MMP24: variants seen among roughly 807,000 people sequenced by gnomAD.
The protein encoded by MMP24 is matrix metallopeptidase 24, also known as matrix metalloproteinase-24.
A neutral mutation model predicts 62.8 loss-of-function variants in MMP24; 25 were observed. That is an observed-to-expected ratio of 0.40 (90% confidence interval 0.29 to 0.56). MMP24 has a LOEUF of 0.56. MMP24 is among the 20% of genes least tolerant of loss of function. The probability of loss-of-function intolerance (pLI) is 0.50; values close to 1 mark genes in which losing one functional copy is unlikely to be tolerated. For missense variants in MMP24, 634 were observed against 853.6 expected (o/e 0.74, Z 3.21); for synonymous variants, 319 against 350.5 (o/e 0.91, Z 1.00).
chr20:35,267,873 C>A, intron 6 of MMP24: 1 of 189,198 alleles, frequency 5.3e-6, no homozygotes, highest in Admixed American at 5.6e-5. Flanking sequence ...CTGCTACTGG[C>A]AGCAGCCCAG....
At chr20:35,255,806 C>T (rs985789962) in intron 4 of MMP24, among the ~76,000 whole-genome samples, 2 of 152,152 alleles carry the variant, frequency 1.3e-5, no homozygotes. Flanking sequence ...ATTAGGTGAT[C>T]GCTAAGGGCC....
intron 1 of MMP24, among the ~76,000 whole-genome samples, chr20:35,230,588 T>C (rs1359597377): frequency 1.3e-5 from 2 of 152,242 alleles, no homozygotes; most frequent in African/African-American, 4.8e-5. Context: ...AAATCAAGCC[T>C]ATTCCTTTTG....
At chr20:35,228,666 C>T (rs966565909) in intron 1 of MMP24, among the ~76,000 whole-genome samples, 3 of 152,090 alleles carry the variant, frequency 2.0e-5, no homozygotes, top group Non-Finnish European at 2.9e-5. Context: ...CTTTTTTATT[C>T]CTACAATATT....
intron 5 of MMP24, 145 bp downstream of exon 5, chr20:35,264,097 C>A (rs1288408132): frequency 5.3e-6 from 5 of 946,938 alleles, no homozygotes; most frequent in Non-Finnish European, 7.4e-6. Context: ...TTACAGACTT[C>A]CAATGGCTTT....
chr20:35,276,050 G>C lies in MMP24; in HGVS notation c.*1441G>C. 2 of 398,718 alleles carry C rather than the reference G, an allele frequency of 5.0e-6. No homozygotes were observed. Among genetic ancestry groups the C allele is most frequent in the Non-Finnish European group, 8.8e-6 (2 of 226,144 alleles). 24.7% of individuals were successfully genotyped at this position (398,718 alleles called of 1,614,324 possible). ...CTCTGCCAAAGCCAAAAAGGTGTCA[G>C]GCAGTCTCCAGCGTGCTGGCCGGGT... On this transcript the variant is annotated 3_prime_UTR_variant, in exon 9 of 9. Transcript: ENST00000246186.
intron 1 of MMP24, among the ~76,000 whole-genome samples, chr20:35,240,019 AG>A (rs2060481890): frequency 6.6e-6 from 1 of 152,110 alleles, no homozygotes; most frequent in Non-Finnish European, 1.5e-5. Flanking sequence ...GGGAGGGGGA[AG>A]GGCTGCCTGT....
rs1318706670 is a variant in MMP24 at position 35,269,226 on chromosome 20, C to G, written c.1195-534C>G. ...TTTGCCTAGAATCTCTCATCTGATT[C>G]TCCATTATTACCTGCACTTGCAGGT... On this transcript the variant is annotated intron_variant, in intron 6 of 8. Transcript: ENST00000246186. This position sits in a 1 kb window ranked among gnomAD's most constrained non-coding sequence, Gnocchi z 4.6. Among the ~76,000 whole-genome samples the G allele has an allele frequency of 6.6e-6, 1 of 152,220 alleles. No homozygotes were observed. The highest frequency in any genetic ancestry group is 2.1e-4 in the South Asian group (1 of 4,832).
Position 35,274,429 on chromosome 20 carries a change from C to A in MMP24, c.1758C>A (p.Asp586Glu), listed in dbSNP as rs370527619. Residue 586 changes from aspartate to glutamate, a missense_variant, in exon 9 of 9, where the codon GAC becomes GAA. This residue lies in a region of MMP24 where 399 missense variants were observed against 530.8 expected (regional missense o/e 0.75). Transcript: ENST00000246186. This position sits in a 1 kb window ranked among gnomAD's most constrained non-coding sequence, Gnocchi z 5.1. ...RRKERRLPQD[D>E]VDIMVTINDV... ...AGGAGCGGCGGCTGCCCCAGGACGACGTGGACATCATGGTGACCATCAACG... is the reference window on the plus strand; with the variant it reads ...AGGAGCGGCGGCTGCCCCAGGACGAAGTGGACATCATGGTGACCATCAACG... 164 of 1,613,944 alleles carry A rather than the reference C, an allele frequency of 1.0e-4. No individual in the cohort carries two copies. In the African/African-American group the frequency reaches 2.0e-3, roughly 19 times the overall value.
Position 35,274,236 on chromosome 20 carries a change from G to A in MMP24, c.1601-36G>A, listed in dbSNP as rs2060690319. The A allele has an allele frequency of 6.4e-7, 1 of 1,560,296 alleles. No homozygotes were observed. The highest frequency in any genetic ancestry group is 2.2e-5 in the East Asian group (1 of 44,616). On this transcript the variant is annotated intron_variant, in intron 8 of 8. Coordinates refer to ENST00000246186, the MANE Select transcript of MMP24 (RefSeq NM_006690.4). This position sits in a 1 kb window ranked among gnomAD's most constrained non-coding sequence, Gnocchi z 5.1. Reference sequence around the variant, plus strand: ...CTGCCCCAGAGCAGGTGCCGGAAGTGTCTGGGAGTGGTGATGCTGGGCTGT... The same window carrying A: ...CTGCCCCAGAGCAGGTGCCGGAAGTATCTGGGAGTGGTGATGCTGGGCTGT...
At chr20:35,257,104 T>TAG (rs1293830931) in intron 4 of MMP24, among the ~76,000 whole-genome samples, 1 of 152,132 alleles carries the variant, frequency 6.6e-6, no homozygotes, top group Non-Finnish European at 1.5e-5. Flanking sequence ...TTGGTGTCTA[T>TAG]AGTTGGGGAT....
chr20:35,227,124 T>A, intron 1 of MMP24, 140 bp downstream of exon 1: 2 of 626,052 alleles, frequency 3.2e-6, no homozygotes, highest in Non-Finnish European at 4.0e-6. Context: ...GCGCCTTGGG[T>A]CCGGGCTGGC....
intron 1 of MMP24, among the ~76,000 whole-genome samples, chr20:35,236,438 G>C (rs1435871791): frequency 6.6e-6 from 1 of 152,158 alleles, no homozygotes; most frequent in Non-Finnish European, 1.5e-5. Context: ...CTAGATACCT[G>C]AATGATTATG....
chr20:35,239,123 T>G (rs1303586599), intron 1 of MMP24, among the ~76,000 whole-genome samples: 1 of 151,708 alleles, frequency 6.6e-6, no homozygotes, highest in Non-Finnish European at 1.5e-5. Context: ...CTTGGCTCAC[T>G]GCAACCTCCA....
At chr20:35,272,475 C>A (rs963838706) in intron 8 of MMP24, among the ~76,000 whole-genome samples, 2 of 152,154 alleles carry the variant, frequency 1.3e-5, no homozygotes, top group African/African-American at 4.8e-5. Flanking sequence ...TGGCCTCAAG[C>A]AATCCTCCCA....
chr20:35,258,945 C>T (rs956240615), intron 4 of MMP24, among the ~76,000 whole-genome samples: 1 of 151,082 alleles, frequency 6.6e-6, no homozygotes, highest in Non-Finnish European at 1.5e-5. Flanking sequence ...TTTGGGAGGC[C>T]GAGGGGGGGC....
intron 3 of MMP24, among the ~76,000 whole-genome samples, chr20:35,252,708 T>C (rs927572080): frequency 1.3e-5 from 2 of 151,928 alleles, no homozygotes; most frequent in African/African-American, 4.8e-5. Flanking sequence ...GCCCAAGAAC[T>C]AGATGATGGA....
chr20:35,272,072 A>T, intron 8 of MMP24: 1 of 580,906 alleles, frequency 1.7e-6, no homozygotes, highest in Non-Finnish European at 3.0e-6. Flanking sequence ...TCATAGACTG[A>T]CTTCATTCCT....
intron 4 of MMP24, among the ~76,000 whole-genome samples, chr20:35,259,367 T>C (rs6058212): frequency 8.1e-4 from 123 of 152,274 alleles, no homozygotes; most frequent in African/African-American, 2.8e-3. Context: ...TTCCGGGGGC[T>C]GTCACCTGGT....
At chr20:35,234,656 G>A (rs1173711798) in intron 1 of MMP24, among the ~76,000 whole-genome samples, 1 of 152,204 alleles carries the variant, frequency 6.6e-6, no homozygotes, top group Non-Finnish European at 1.5e-5. Flanking sequence ...GGACTCTGCA[G>A]GATATGCTCA....
Sources: allele counts gnomAD v4.1 joint callset (sites outside exome capture counted in the v4.1 genomes callset), GRCh38; gene constraint gnomAD v4.1.1; regional missense constraint gnomAD v4.1.1; non-coding constraint Gnocchi (gnomAD v3.1); transcripts MANE v1.5; gene names NCBI Gene and HGNC (gene_info 2026-07-23, HGNC 2026-07-21).